Variants in TSPAN5 observed in about 807,000 individuals in gnomAD.
TSPAN5 encodes tetraspanin-5.
TSPAN5 carries 10 observed loss-of-function variants against 37.1 expected under a neutral mutation model. That is an observed-to-expected ratio of 0.27 (90% CI 0.17 to 0.46). TSPAN5 has a LOEUF of 0.46. Among genes scored for constraint, TSPAN5 ranks in the 20% least tolerant of loss-of-function variants. The pLI, the probability that TSPAN5 is intolerant of heterozygous loss-of-function variation, is 1.00. For missense variants in TSPAN5, 195 were observed against 326.6 expected, an observed-to-expected ratio of 0.60 and a Z score of 3.11; for synonymous variants, 110 against 118.9, an observed-to-expected ratio of 0.93 and a Z score of 0.48.
intron 1 of TSPAN5, among the ~76,000 whole-genome samples, chr4:98,602,179 T>C (rs939977596): frequency 1.3e-5 from 2 of 151,822 alleles, no homozygotes; most frequent in Non-Finnish European, 2.9e-5. Context: ...GCACATGCGA[T>C]TGGAAAAATG....
At chr4:98,626,641 C>A (rs1756608066) in intron 1 of TSPAN5, among the ~76,000 whole-genome samples, 1 of 152,040 alleles carries the variant, frequency 6.6e-6, no homozygotes, top group African/African-American at 2.4e-5. Context: ...CTGCCGGGAC[C>A]GCTTTCCTGC....
intron 1 of TSPAN5, among the ~76,000 whole-genome samples, chr4:98,520,814 G>C (rs1753836757): frequency 6.6e-6 from 1 of 152,116 alleles, no homozygotes; most frequent in East Asian, 1.9e-4. Flanking sequence ...TGTGTCATCT[G>C]GTACCTGCAC....
At chr4:98,642,338 T>C (rs1224496884) in intron 1 of TSPAN5, among the ~76,000 whole-genome samples, 1 of 152,214 alleles carries the variant, frequency 6.6e-6, no homozygotes. Flanking sequence ...TTCTTAGCAA[T>C]AATTAATCAT....
At chr4:98,584,758 T>C (rs1755448368) in intron 1 of TSPAN5, among the ~76,000 whole-genome samples, 1 of 152,224 alleles carries the variant, frequency 6.6e-6, no homozygotes, top group East Asian at 1.9e-4. Flanking sequence ...AATAGGCCTA[T>C]CGCCACTGCA....
chr4:98,555,995 G>GCA (rs1246428801), intron 1 of TSPAN5, among the ~76,000 whole-genome samples: 5 of 126,356 alleles, frequency 4.0e-5, no homozygotes, highest in Admixed American at 8.0e-5. Context: ...ACGTGCGTGC[G>GCA]CACACACACA....
At chr4:98,577,056 C>A (rs947806889) in intron 1 of TSPAN5, among the ~76,000 whole-genome samples, 1 of 152,070 alleles carries the variant, frequency 6.6e-6, no homozygotes, top group East Asian at 1.9e-4. Context: ...CCACTGCACC[C>A]GGCCATATTT....
intron 2 of TSPAN5, among the ~76,000 whole-genome samples, chr4:98,488,137 A>G (rs946591548): frequency 6.6e-6 from 1 of 152,214 alleles, no homozygotes; most frequent in African/African-American, 2.4e-5. Context: ...AACTCAGAGC[A>G]GTTTGGTGAT....
intron 1 of TSPAN5, among the ~76,000 whole-genome samples, chr4:98,604,825 A>C (rs1755967711): frequency 6.6e-6 from 1 of 152,216 alleles, no homozygotes; most frequent in Non-Finnish European, 1.5e-5. Flanking sequence ...ACAACCCTAA[A>C]GAGCAGGTCT....
intron 1 of TSPAN5, among the ~76,000 whole-genome samples, chr4:98,522,336 A>G (rs1242677133): frequency 6.6e-6 from 1 of 152,256 alleles, no homozygotes; most frequent in Non-Finnish European, 1.5e-5. Context: ...ACGCTGAAAC[A>G]GGAAGTGAAT....
chr4:98,498,888 G>T (rs1393219162), intron 2 of TSPAN5, among the ~76,000 whole-genome samples: 1 of 152,156 alleles, frequency 6.6e-6, no homozygotes, highest in African/African-American at 2.4e-5. Flanking sequence ...GGGCTGTTCT[G>T]GGGGCACTGA....
intron 1 of TSPAN5, among the ~76,000 whole-genome samples, chr4:98,598,444 G>A (rs1036115030): frequency 6.6e-6 from 1 of 150,590 alleles, no homozygotes; most frequent in Non-Finnish European, 1.5e-5. Flanking sequence ...TTCCTATTCG[G>A]CCATCTTGGC....
intron 1 of TSPAN5, among the ~76,000 whole-genome samples, chr4:98,642,394 A>G (rs1756976028): frequency 6.6e-6 from 1 of 152,170 alleles, no homozygotes; most frequent in Non-Finnish European, 1.5e-5. Flanking sequence ...TAGTTCAAAG[A>G]GTTTCTTTTC....
intron 1 of TSPAN5, among the ~76,000 whole-genome samples, chr4:98,633,210 A>T (rs1392415296): frequency 1.3e-5 from 2 of 152,356 alleles, no homozygotes; most frequent in East Asian, 3.9e-4. Context: ...AAAATGCCTT[A>T]GGGTGGCCTT....
At chr4:98,509,418 A>G (rs1753553426) in intron 1 of TSPAN5, among the ~76,000 whole-genome samples, 2 of 152,212 alleles carry the variant, frequency 1.3e-5, no homozygotes, top group South Asian at 4.1e-4. Context: ...GGGGACTGAC[A>G]AAAGACAATT....
intron 1 of TSPAN5, among the ~76,000 whole-genome samples, chr4:98,652,400 C>A (rs1408800277): frequency 6.6e-6 from 1 of 152,208 alleles, no homozygotes; most frequent in Non-Finnish European, 1.5e-5. Flanking sequence ...AATTATTCCA[C>A]CATATTCTTG....
At chr4:98,550,926 T>C (rs1477493722) in intron 1 of TSPAN5, among the ~76,000 whole-genome samples, 2 of 152,122 alleles carry the variant, frequency 1.3e-5, no homozygotes, top group Non-Finnish European at 2.9e-5. Flanking sequence ...TGAATAAGAG[T>C]CATGAAAGTG....
intron 1 of TSPAN5, among the ~76,000 whole-genome samples, chr4:98,650,881 A>G (rs561114827): frequency 6.6e-6 from 1 of 152,354 alleles, no homozygotes; most frequent in South Asian, 2.1e-4. Flanking sequence ...ATGTGAAAAG[A>G]CTGCACTGGC....
At chr4:98,501,539 A>C (rs533491815) in intron 2 of TSPAN5, among the ~76,000 whole-genome samples, 69 of 152,320 alleles carry the variant, frequency 4.5e-4, no homozygotes, top group Middle Eastern at 6.8e-3. Context: ...AAGGAAGGGG[A>C]AGAAAGGGCT....
At chr4:98,571,480 G>A (rs1383927148) in intron 1 of TSPAN5, among the ~76,000 whole-genome samples, 5 of 143,946 alleles carry the variant, frequency 3.5e-5, no homozygotes, top group African/African-American at 7.7e-5. Flanking sequence ...AATTTACAAT[G>A]TTAGTATAAT....
Sources: gnomAD v4.1 joint callset for allele counts (sites outside exome capture counted in the v4.1 genomes callset) on GRCh38, gnomAD v4.1.1 for gene constraint, MANE v1.5 for transcripts, NCBI Gene and HGNC (gene_info 2026-07-23, HGNC 2026-07-21) for gene names.